The following SUGCT variants were observed in gnomAD, a reference collection of about 807,000 sequenced individuals.
SUGCT encodes succinyl-CoA:glutarate CoA-transferase.
SUGCT carries 41 observed loss-of-function variants against 55.0 expected under a neutral mutation model. The observed-to-expected ratio is 0.74, with a 90% CI of 0.58 to 0.97. The LOEUF (loss-of-function observed/expected upper bound fraction) is 0.97. SUGCT is among the 50% of genes least tolerant of loss of function. The pLI is 0.00. For synonymous variants in SUGCT, 187 were observed against 200.4 expected (o/e 0.93, Z 0.56); for missense variants, 568 against 547.8 (o/e 1.04, Z -0.37).
At chr7:40,819,206 C>T (rs1014313433) in intron 13 of SUGCT, among the ~76,000 whole-genome samples, 7 of 151,886 alleles carry the variant, frequency 4.6e-5, no homozygotes, top group Non-Finnish European at 1.0e-4. Flanking sequence ...TGAATAGTGC[C>T]GCAATAAACA....
At chr7:40,279,422 G>C (rs1427901620) in intron 8 of SUGCT, among the ~76,000 whole-genome samples, 7 of 152,048 alleles carry the variant, frequency 4.6e-5, no homozygotes, top group African/African-American at 1.7e-4. Context: ...AGAATGGCAT[G>C]GTTATTTTTT....
At chr7:40,907,419 T>TTTA in the SUGCT span, among the ~76,000 whole-genome samples, 42 of 152,290 alleles carry the variant, frequency 2.8e-4, no homozygotes, top group Non-Finnish European at 5.0e-4. Flanking sequence ...AAATAACAGG[T>TTTA]ATAATAATAC....
intron 12 of SUGCT, among the ~76,000 whole-genome samples, chr7:40,528,506 G>T (rs375250635): frequency 6.6e-6 from 1 of 152,018 alleles, no homozygotes; most frequent in Non-Finnish European, 1.5e-5. Context: ...TTCTGTTTTA[G>T]ACCAGTAGAT....
At chr7:40,568,172 C>T (rs186499448) in intron 12 of SUGCT, among the ~76,000 whole-genome samples, 6 of 152,206 alleles carry the variant, frequency 3.9e-5, no homozygotes, top group South Asian at 2.1e-4. Context: ...CTGGACATAA[C>T]GGAGAAGCAA....
chr7:40,572,379 T>G (rs1339058115), intron 12 of SUGCT, among the ~76,000 whole-genome samples: 1 of 152,104 alleles, frequency 6.6e-6, no homozygotes, highest in South Asian at 2.1e-4. Flanking sequence ...CCTAGAAATA[T>G]TTTGGTATCA....
chr7:40,625,942 ATTCT>A (rs1232857995), intron 12 of SUGCT, among the ~76,000 whole-genome samples: 2 of 152,204 alleles, frequency 1.3e-5, no homozygotes, highest in Non-Finnish European at 2.9e-5. Flanking sequence ...AGCACTTCAC[ATTCT>A]TTATTTAATT....
chr7:40,886,774 C>G, the SUGCT span, among the ~76,000 whole-genome samples: 23 of 152,124 alleles, frequency 1.5e-4, no homozygotes, highest in Non-Finnish European at 2.9e-4. Flanking sequence ...AGTAAGCATC[C>G]CAGCATATGC....
intron 8 of SUGCT, among the ~76,000 whole-genome samples, chr7:40,290,682 G>T (rs949544653): frequency 2.6e-5 from 4 of 152,142 alleles, no homozygotes; most frequent in African/African-American, 9.7e-5. Context: ...AAGAGCTTCT[G>T]CACAGCAAAA....
intron 1 of SUGCT, among the ~76,000 whole-genome samples, chr7:40,149,278 A>T (rs1188378464): frequency 6.6e-6 from 1 of 152,196 alleles, no homozygotes; most frequent in Non-Finnish European, 1.5e-5. Flanking sequence ...TGACTGAGAT[A>T]GTGAAAGAGA....
intron 12 of SUGCT, among the ~76,000 whole-genome samples, chr7:40,747,771 G>C (rs1437922920): frequency 6.6e-6 from 1 of 152,106 alleles, no homozygotes; most frequent in Non-Finnish European, 1.5e-5. Context: ...GTATACCCAG[G>C]TAGCCTCCAA....
At chr7:40,597,821 A>T (rs946838415) in intron 12 of SUGCT, among the ~76,000 whole-genome samples, 1 of 152,214 alleles carries the variant, frequency 6.6e-6, no homozygotes. Flanking sequence ...TGTTGTTTTA[A>T]GCCACTGAGA....
intron 12 of SUGCT, among the ~76,000 whole-genome samples, chr7:40,742,176 A>G (rs552743369): frequency 5.4e-4 from 83 of 152,306 alleles, no homozygotes; most frequent in Non-Finnish European, 9.4e-4. Context: ...GTGTGTGTGT[A>G]TATTGCATGA....
intron 11 of SUGCT, among the ~76,000 whole-genome samples, chr7:40,465,840 G>A (rs1032149868): frequency 6.6e-6 from 1 of 151,860 alleles, no homozygotes; most frequent in Admixed American, 6.6e-5. Flanking sequence ...CACTGCCCTG[G>A]CTAGGTCTTT....
chr7:40,796,682 T>C (rs1242857031), intron 13 of SUGCT, among the ~76,000 whole-genome samples: 1 of 152,176 alleles, frequency 6.6e-6, no homozygotes, highest in Non-Finnish European at 1.5e-5. Context: ...GAACCCAACT[T>C]TTTCTGATAT....
the SUGCT span, among the ~76,000 whole-genome samples, chr7:41,002,370 C>A: frequency 4.6e-5 from 7 of 152,110 alleles, no homozygotes; most frequent in Non-Finnish European, 8.8e-5. Flanking sequence ...AGAGAACAAG[C>A]AGGTCAGTAA....
intron 9 of SUGCT, among the ~76,000 whole-genome samples, chr7:40,387,366 A>G (rs988782799): frequency 3.9e-5 from 6 of 152,160 alleles, no homozygotes; most frequent in Non-Finnish European, 8.8e-5. Context: ...GCCCACATGT[A>G]AGACTGACAC....
intron 13 of SUGCT, among the ~76,000 whole-genome samples, chr7:40,855,933 C>CT (rs1484104125): frequency 6.6e-6 from 1 of 152,200 alleles, no homozygotes; most frequent in Non-Finnish European, 1.5e-5. Context: ...TGCTTGTACT[C>CT]TACTTTTACA....
intron 9 of SUGCT, among the ~76,000 whole-genome samples, chr7:40,414,612 AT>A (rs1786868265): frequency 6.6e-6 from 1 of 152,140 alleles, no homozygotes; most frequent in South Asian, 2.1e-4. Context: ...TTAAAAAAAA[AT>A]TCGGCCATGT....
chr7:40,684,594 A>G (rs908116065), intron 12 of SUGCT, among the ~76,000 whole-genome samples: 3 of 152,190 alleles, frequency 2.0e-5, no homozygotes, highest in Non-Finnish European at 4.4e-5. Context: ...TCTAAATAAT[A>G]CAGTTAATAC....
Sources: gnomAD v4.1 joint callset for allele counts (sites outside exome capture counted in the v4.1 genomes callset) on GRCh38, gnomAD v4.1.1 for gene constraint, MANE v1.5 for transcripts, NCBI Gene and HGNC (gene_info 2026-07-23, HGNC 2026-07-21) for gene names.